MCCC1: variants seen among roughly 807,000 people sequenced by gnomAD.
MCCC1 encodes methylcrotonoyl-CoA carboxylase subunit alpha, mitochondrial.
A neutral mutation model predicts 83.8 loss-of-function variants in MCCC1; 64 were observed. The observed-to-expected ratio is 0.76, with a 90% CI of 0.62 to 0.94. The LOEUF is 0.94. Among genes scored for constraint, MCCC1 ranks in the 40% least tolerant of loss-of-function variants. MCCC1 has a pLI of 0.00. For synonymous variants in MCCC1, 322 were observed against 315.4 expected (o/e 1.02, Z -0.22); for missense variants, 807 against 904.7 (o/e 0.89, Z 1.39).
chr3:183,050,637 CGGA>C (rs1714895715), intron 9 of MCCC1, among the ~76,000 whole-genome samples: 1 of 129,908 alleles, frequency 7.7e-6, no homozygotes, highest in Non-Finnish European at 1.6e-5. Context: ...ACCTGGGAGG[CGGA>C]GGTTGCAGTG....
chr3:183,064,921 A>G lies in MCCC1; in HGVS notation c.761+6078T>C, dbSNP rs1031942886. On this transcript the variant is annotated intron_variant, in intron 7 of 18. Coordinates refer to ENST00000265594, the MANE Select transcript of MCCC1 (RefSeq NM_020166.5). This position sits in a 1 kb window ranked among gnomAD's most constrained non-coding sequence, Gnocchi z 4.5. ...AGCACCTTGCTTTCCCCATCCTGCC[A>G]CAAAGCAATGCTTTTCTCCCTTCCC... 1.3e-5 allele frequency among the ~76,000 whole-genome samples: 2 copies of G among 151,896 alleles called. No individual in the cohort carries two copies. The highest frequency in any genetic ancestry group is 1.3e-4 in the Admixed American group (2 of 15,238).
rs1471804744 is a variant in MCCC1, at chr3:183,022,423, A to T, written c.1863T>A (p.Phe621Leu). The change falls in exon 16 of 19, where the codon TTT becomes TTA. Residue 621 changes from phenylalanine to leucine, a missense_variant. Phe to Leu is a conservative substitution (Grantham distance 22). Transcript: ENST00000265594. ...LIILENTIYLFSKEGSIEIDI... is the reference protein window; with the variant it reads ...LIILENTIYLLSKEGSIEIDI... ...TATAAAGAAGAGACATTACCTTGGA[A>T]AATAGGTAAATAGTGTTTTCCAGGA... is the stretch of plus-strand genomic sequence containing the variant. 6.2e-7 allele frequency: 1 copy of T among 1,614,142 alleles called. No homozygotes were observed. Among genetic ancestry groups the T allele is most frequent in the Admixed American group, 1.7e-5 (1 of 60,026 alleles).
intron 3 of MCCC1, among the ~76,000 whole-genome samples, chr3:183,089,319 G>T (rs1198531554): frequency 6.6e-6 from 1 of 152,192 alleles, no homozygotes; most frequent in Non-Finnish European, 1.5e-5. Context: ...GAGTGGAGGT[G>T]GAGAGGCTAC....
In MCCC1 at chr3:183,072,373, T is replaced by C. The variant is rs1716761317; in HGVS notation, c.484A>G (p.Ile162Val). The C allele has an allele frequency of 6.2e-7, 1 of 1,613,680 alleles. No individual in the cohort carries two copies. Among genetic ancestry groups the C allele is most frequent in the African/African-American group, 1.3e-5 (1 of 74,920 alleles). The change falls in exon 5 of 19, where the codon ATA becomes GTA. Residue 162 changes from isoleucine to valine, a missense_variant. By Grantham distance (29) the Ile-to-Val change is conservative. Transcript: ENST00000265594. ...PPPSAIRDMG[I>V]KSTSKSIMAA... ...AAAGATATAAACTCATACCTCTTTATACCCATGTCTCTAATTGCAGATGGA... is the reference window on the plus strand; with the variant it reads ...AAAGATATAAACTCATACCTCTTTACACCCATGTCTCTAATTGCAGATGGA...
intron 7 of MCCC1, among the ~76,000 whole-genome samples, chr3:183,067,403 T>C (rs1240072758): frequency 6.6e-6 from 1 of 152,224 alleles, no homozygotes; most frequent in Non-Finnish European, 1.5e-5. Context: ...TTTAAAAGCC[T>C]GTATGGCAAA....
At chr3:183,088,604 C>A (rs1175238332) in intron 3 of MCCC1, among the ~76,000 whole-genome samples, 5 of 152,234 alleles carry the variant, frequency 3.3e-5, no homozygotes, top group African/African-American at 1.2e-4. Context: ...GTACTCCCCC[C>A]ATTGCAGTCT....
chr3:183,033,461 G>A (rs932808327), intron 14 of MCCC1, among the ~76,000 whole-genome samples: 6 of 152,090 alleles, frequency 3.9e-5, no homozygotes, highest in South Asian at 2.1e-4. Flanking sequence ...CCTCATTTAC[G>A]TTGTGAAGAT....
intron 14 of MCCC1, among the ~76,000 whole-genome samples, chr3:183,030,622 A>T (rs1055607397): frequency 6.6e-6 from 1 of 152,198 alleles, no homozygotes; most frequent in African/African-American, 2.4e-5. Flanking sequence ...AAATTATCAA[A>T]ATAAAAATGT....
upstream of MCCC1, among the ~76,000 whole-genome samples, chr3:183,101,869 C>T (rs914730659): frequency 6.6e-6 from 1 of 151,762 alleles, no homozygotes; most frequent in South Asian, 2.1e-4. Context: ...CCGGGAGGAA[C>T]GAACAACTCC....
At chr3:183,065,939 T>C (rs1157924711) in intron 7 of MCCC1, among the ~76,000 whole-genome samples, 2 of 152,218 alleles carry the variant, frequency 1.3e-5, no homozygotes, top group East Asian at 3.8e-4. Flanking sequence ...GATATGTCTA[T>C]AAGGTTTTAT....
rs772339513 is a variant in MCCC1 at position 183,070,990 on chromosome 3, C to A, written c.761+9G>T. 1.9e-6 allele frequency: 3 copies of A among 1,612,830 alleles called. No individual in the cohort carries two copies. The highest frequency in any genetic ancestry group is 2.5e-6 in the Non-Finnish European group (3 of 1,179,346). On this transcript the variant is annotated intron_variant, in intron 7 of 18. Coordinates refer to ENST00000265594, the MANE Select transcript of MCCC1 (RefSeq NM_020166.5). The stretch of plus-strand genomic sequence containing the variant: ...TAAACTCTGAGTCAGAAAAATAAGG[C>A]CAACCCACCTCGGTGTGTCTACAAA...
At chr3:183,038,349 A>C (rs1713796858) in intron 12 of MCCC1, among the ~76,000 whole-genome samples, 1 of 152,196 alleles carries the variant, frequency 6.6e-6, no homozygotes. Context: ...TGGGGGAAGA[A>C]CATTCTGGAA....
rs148616219 is a variant in MCCC1 at position 183,092,428 on chromosome 3, T to G, written c.254A>C (p.Asn85Thr). 961 of 1,614,192 alleles carry G rather than the reference T, an allele frequency of 6.0e-4. 2 individuals are homozygous for G. The highest frequency in any genetic ancestry group is 1.9e-3 in the Admixed American group (115 of 60,022). The stretch of plus-strand genomic sequence containing the variant: ...ACATACCATATCTACATGCATGGAA[T>G]TTCTGTCAGCCTCACTATAAACCGC... Reference protein sequence around the residue: ...TVAVYSEADRNSMHVDMADEA... With the variant: ...TVAVYSEADRTSMHVDMADEA... Residue 85 changes from asparagine (N) to threonine (T), a missense_variant, in exon 3 of 19, where the codon AAT (asparagine) becomes ACT (threonine). Coordinates refer to ENST00000265594, the MANE Select transcript of MCCC1 (RefSeq NM_020166.5).
chr3:183,063,043 G>A (rs957475051), intron 7 of MCCC1, among the ~76,000 whole-genome samples: 1 of 151,976 alleles, frequency 6.6e-6, no homozygotes, highest in Non-Finnish European at 1.5e-5. Flanking sequence ...TAGTGCAGTG[G>A]TGTGACCTAG....
intron 1 of MCCC1, among the ~76,000 whole-genome samples, chr3:183,097,587 G>C (rs1718834173): frequency 6.6e-6 from 1 of 152,182 alleles, no homozygotes; most frequent in Admixed American, 6.5e-5. Context: ...TAGAGATGAA[G>C]CCTCACTGTG....
At chr3:183,102,846 G>A (rs1032929155), upstream of MCCC1, among the ~76,000 whole-genome samples, 3 of 122,448 alleles carry the variant, frequency 2.5e-5, no homozygotes, top group Admixed American at 1.1e-4. Context: ...GAGTGCAATG[G>A]CATGATCTCG....
Position 183,041,573 on chromosome 3 carries a change from G to A in MCCC1, c.1261C>T (p.Arg421Trp), listed in dbSNP as rs764744442. Residue 421 changes from arginine to tryptophan, a missense_variant, in exon 11 of 19, where the codon CGG (arginine) becomes TGG (tryptophan). Transcript: ENST00000265594. ...DPSTRIETGV[R>W]QGDEVSVHYD... Reference sequence around the variant, plus strand: ...TCATTTTCTTTCACTTTACCTTGCCGTACTCCAGTTTCAATCCTGGTGGAA... The same window carrying A: ...TCATTTTCTTTCACTTTACCTTGCCATACTCCAGTTTCAATCCTGGTGGAA... 3.6e-5 allele frequency: 58 copies of A among 1,613,828 alleles called. No individual in the cohort carries two copies. Among genetic ancestry groups the A allele is most frequent in the Middle Eastern group, 1.6e-4 (1 of 6,078 alleles).
intron 1 of MCCC1, chr3:183,098,599 G>A (rs1482337046): frequency 1.3e-5 from 2 of 152,250 alleles, no homozygotes; most frequent in East Asian, 3.8e-4. Flanking sequence ...GGATGATAAC[G>A]ATGAAGCAAA....
chr3:183,091,360 G>A (rs539473115), intron 3 of MCCC1, among the ~76,000 whole-genome samples: 19 of 152,236 alleles, frequency 1.2e-4, no homozygotes, highest in African/African-American at 4.6e-4. Flanking sequence ...TTGAGGCCAG[G>A]AGTTCGAGAC....
Sources: allele counts gnomAD v4.1 joint callset (sites outside exome capture counted in the v4.1 genomes callset), GRCh38; gene constraint gnomAD v4.1.1; non-coding constraint Gnocchi (gnomAD v3.1); transcripts MANE v1.5; gene names NCBI Gene and HGNC (gene_info 2026-07-23, HGNC 2026-07-21).